CCDC83: variants seen among roughly 807,000 people sequenced by gnomAD.
The protein encoded by CCDC83 is coiled-coil domain containing 83.
CCDC83 carries 54 observed loss-of-function variants against 50.1 expected under a neutral mutation model. The observed-to-expected ratio is 1.08, with a 90% CI of 0.87 to 1.35. The LOEUF is 1.35. Among genes scored for constraint, CCDC83 ranks in the 40% most tolerant of loss-of-function variants. The pLI is 0.00. For missense variants in CCDC83, 518 were observed against 473.9 expected, an observed-to-expected ratio of 1.09 and a Z score of -0.86; for synonymous variants, 161 against 153.3, an observed-to-expected ratio of 1.05 and a Z score of -0.37.
At chr11:85,909,755 T>A (rs2093444647) in intron 7 of CCDC83, among the ~76,000 whole-genome samples, 1 of 151,180 alleles carries the variant, frequency 6.6e-6, no homozygotes, top group Admixed American at 6.6e-5. Context: ...CCCGACAAAA[T>A]ACACTTCTTA....
chr11:85,907,068 T>C (rs1337527586), intron 7 of CCDC83, among the ~76,000 whole-genome samples: 3 of 152,130 alleles, frequency 2.0e-5, no homozygotes, highest in Non-Finnish European at 2.9e-5. Context: ...TGCCTGGAAA[T>C]AGAACAATAT....
In CCDC83 at chr11:85,895,525, T is replaced by C. The variant is rs1024938871; in HGVS notation, c.603+141T>C. The C allele has an allele frequency of 7.8e-5, 43 of 552,594 alleles. No homozygotes were observed. The African/African-American group carries it at 8.0e-4, about 10-fold the overall frequency. 34.2% of individuals were successfully genotyped at this position (552,594 alleles called of 1,614,324 possible). A position where few individuals can be genotyped will look rare whatever the true frequency, so the allele number is the denominator to read the frequency against. ...ACCTGTAATAATGGCTGTAACATAATATTAAAAGTTTTGAACGATTTATAA... is the reference window on the plus strand; with the variant it reads ...ACCTGTAATAATGGCTGTAACATAACATTAAAAGTTTTGAACGATTTATAA... On this transcript the variant is annotated intron_variant, in intron 6 of 10. Transcript: ENST00000342404.
intron 7 of CCDC83, among the ~76,000 whole-genome samples, chr11:85,901,134 A>G (rs1252239425): frequency 2.0e-5 from 3 of 152,082 alleles, no homozygotes; most frequent in African/African-American, 4.8e-5. Flanking sequence ...TGGGCGACCA[A>G]TGCAGGCAGA....
chr11:85,906,951 T>C (rs1031955626), intron 7 of CCDC83, among the ~76,000 whole-genome samples: 6 of 152,112 alleles, frequency 3.9e-5, no homozygotes, highest in African/African-American at 1.2e-4. Flanking sequence ...GGAAATGTAA[T>C]AGATTTAATT....
Position 85,882,507 on chromosome 11 carries a change from T to C in CCDC83, c.181-6T>C, listed in dbSNP as rs1409763398. On this transcript the variant is annotated splice_polypyrimidine_tract_variant and splice_region_variant and intron_variant, in intron 3 of 10. Transcript: ENST00000342404. ...AAACGTGAATTACTGTTGATTTTCA[T>C]GACAGAATAGCCGCTTAAAAGAAGA... 5.6e-6 allele frequency: 9 copies of C among 1,612,432 alleles called. No homozygotes were observed. The highest frequency in any genetic ancestry group is 3.4e-5 in the Admixed American group (2 of 59,608).
At chr11:85,870,735 T>C (rs1334271158) in intron 2 of CCDC83, among the ~76,000 whole-genome samples, 1 of 152,230 alleles carries the variant, frequency 6.6e-6, no homozygotes, top group African/African-American at 2.4e-5. Flanking sequence ...TTTATGGTCC[T>C]TCTTATATCC....
Position 85,873,206 on chromosome 11 carries a change from C to A in CCDC83, c.96-5C>A. The A allele has an allele frequency of 2.7e-6, 4 of 1,490,670 alleles. No individual in the cohort carries two copies. Among genetic ancestry groups the A allele is most frequent in the South Asian group, 1.3e-5 (1 of 77,470 alleles). 92.3% of individuals were successfully genotyped at this position (1,490,670 alleles called of 1,614,324 possible). A position where few individuals can be genotyped will look rare whatever the true frequency, so the allele number is the denominator to read the frequency against. On this transcript the variant is annotated splice_polypyrimidine_tract_variant and splice_region_variant and intron_variant, in intron 2 of 10. Coordinates refer to ENST00000342404, the MANE Select transcript of CCDC83 (RefSeq NM_001286159.2). ...CTAACACATTTTATCTTTGTTGATT[C>A]TCAGATGTCAAATAAAGGAAGATGC... is the stretch of plus-strand genomic sequence containing the variant.
intron 2 of CCDC83, among the ~76,000 whole-genome samples, chr11:85,870,852 A>T (rs1432347670): frequency 3.3e-5 from 5 of 152,152 alleles, no homozygotes; most frequent in Non-Finnish European, 5.9e-5. Flanking sequence ...GAAGGCAAGG[A>T]TCATGAAGGT....
rs958783560 is a variant in CCDC83, at chr11:85,901,399, C to T, written c.672+2384C>T. The stretch of plus-strand genomic sequence containing the variant: ...ACCAGCCTGGGTAACATAGTGAAAC[C>T]CCATCTATACAAAAAATAGAAAAGT... On this transcript the variant is annotated intron_variant, in intron 7 of 10. Transcript: ENST00000342404. 3.3e-5 allele frequency among the ~76,000 whole-genome samples: 5 copies of T among 151,518 alleles called. No individual in the cohort carries two copies. In the South Asian group the frequency reaches 6.2e-4, roughly 19 times the overall value.
chr11:85,878,552 G>A (rs185313196), intron 3 of CCDC83, among the ~76,000 whole-genome samples: 61 of 152,296 alleles, frequency 4.0e-4, no homozygotes, highest in African/African-American at 1.5e-3. Context: ...AGCATGGTGG[G>A]GATGTACCAG....
chr11:85,905,776 T>A (rs1368998427), intron 7 of CCDC83, among the ~76,000 whole-genome samples: 1 of 151,548 alleles, frequency 6.6e-6, no homozygotes, highest in Non-Finnish European at 1.5e-5. Context: ...GAGACCATCC[T>A]GGCTAACACG....
At chr11:85,882,949 G>C (rs1164420888) in intron 4 of CCDC83, among the ~76,000 whole-genome samples, 1 of 152,100 alleles carries the variant, frequency 6.6e-6, no homozygotes, top group Admixed American at 6.5e-5. Flanking sequence ...ATAGGGTGTA[G>C]TTCAGTCACC....
chr11:85,856,649 C>G (rs1443675198), intron 1 of CCDC83, among the ~76,000 whole-genome samples: 1 of 152,102 alleles, frequency 6.6e-6, no homozygotes, highest in African/African-American at 2.4e-5. Flanking sequence ...AAAATACATG[C>G]TAATGTAATG....
intron 1 of CCDC83, among the ~76,000 whole-genome samples, chr11:85,860,977 A>G (rs1395384241): frequency 6.8e-6 from 1 of 146,984 alleles, no homozygotes; most frequent in Non-Finnish European, 1.5e-5. Context: ...ACTGTCTATT[A>G]CAAGCCATAA....
chr11:85,919,315 C>G (rs776633244), intron 10 of CCDC83, 34 bp from the exon 11 acceptor site: 3 of 1,549,644 alleles, frequency 1.9e-6, no homozygotes, highest in African/African-American at 2.8e-5. Context: ...GCTGAATCAC[C>G]TCTCCTATTC....
chr11:85,892,116 A>G (rs966048213), intron 5 of CCDC83, among the ~76,000 whole-genome samples: 3 of 152,226 alleles, frequency 2.0e-5, no homozygotes, highest in African/African-American at 7.2e-5. Context: ...AGCTCTCAAC[A>G]GGCCAGGAGG....
chr11:85,906,253 G>A (rs1019162389), intron 7 of CCDC83, among the ~76,000 whole-genome samples: 1 of 151,804 alleles, frequency 6.6e-6, no homozygotes, highest in Non-Finnish European at 1.5e-5. Flanking sequence ...TTTTAGTAGA[G>A]GTGAGGTTTC....
intron 5 of CCDC83, among the ~76,000 whole-genome samples, chr11:85,893,929 A>G (rs1224114370): frequency 1.3e-5 from 2 of 152,152 alleles, no homozygotes; most frequent in Non-Finnish European, 2.9e-5. Flanking sequence ...AGAGCTTGAT[A>G]GTTACTTGTT....
At chr11:85,872,527 C>G (rs2093244757) in intron 2 of CCDC83, among the ~76,000 whole-genome samples, 1 of 152,098 alleles carries the variant, frequency 6.6e-6, no homozygotes, top group Non-Finnish European at 1.5e-5. Context: ...CCAGATCCAC[C>G]TGCCACGGCC....
Sources: allele counts gnomAD v4.1 joint callset (sites outside exome capture counted in the v4.1 genomes callset), GRCh38; gene constraint gnomAD v4.1.1; transcripts MANE v1.5; gene names NCBI Gene and HGNC (gene_info 2026-07-23, HGNC 2026-07-21).